The following MACROD2 variants were observed in gnomAD, a reference collection of about 807,000 sequenced individuals.
The protein encoded by MACROD2 is mono-ADP ribosylhydrolase 2.
MACROD2 carries 36 observed loss-of-function variants against 70.4 expected under a neutral mutation model. The ratio of observed to expected loss-of-function variants is 0.51; its 90% CI spans 0.39 to 0.68. The LOEUF (loss-of-function observed/expected upper bound fraction) is 0.68, where lower values mean the gene tolerates loss of function less well. MACROD2 is among the 30% of genes least tolerant of loss of function. MACROD2 has a pLI of 0.00. For synonymous variants in MACROD2, 172 were observed against 178.8 expected, an observed-to-expected ratio of 0.96 and a Z score of 0.30; for missense variants, 496 against 538.4, an observed-to-expected ratio of 0.92 and a Z score of 0.78.
chr20:14,327,943 G>A (rs1400546614), intron 3 of MACROD2, among the ~76,000 whole-genome samples: 1 of 151,472 alleles, frequency 6.6e-6, no homozygotes, highest in Non-Finnish European at 1.5e-5. Context: ...GTAACACCTT[G>A]GAATATTATT....
chr20:15,728,869 G>A (rs532797599), intron 8 of MACROD2, among the ~76,000 whole-genome samples: 3 of 151,638 alleles, frequency 2.0e-5, no homozygotes, highest in Non-Finnish European at 4.4e-5. Flanking sequence ...ATGTTTTTTT[G>A]TATCTTGGTT....
chr20:15,987,039 A>G lies in MACROD2; in HGVS notation c.1061-27A>G, dbSNP rs750875581. ...AATGATTCCAACTAAAACAACCCTG[A>G]GTGTCCATCTGTCTCATTCTATTTA... On this transcript the variant is annotated intron_variant, in intron 14 of 17. Coordinates refer to ENST00000684519, the MANE Select transcript of MACROD2 (RefSeq NM_001351661.2). The G allele has an allele frequency of 3.8e-6, 6 of 1,562,634 alleles. No homozygotes were observed. The Admixed American group carries it at 9.4e-5, about 25-fold the overall frequency.
chr20:14,813,115 G>C (rs180836011), intron 5 of MACROD2, among the ~76,000 whole-genome samples: 1 of 151,334 alleles, frequency 6.6e-6, no homozygotes, highest in African/African-American at 2.4e-5. Context: ...ATTAATTGTC[G>C]ATCTTGAGAC....
intron 5 of MACROD2, among the ~76,000 whole-genome samples, chr20:15,209,112 GTGGTATTTATT>G (rs947761425): frequency 1.2e-4 from 14 of 115,550 alleles, no homozygotes; most frequent in South Asian, 2.9e-4. Context: ...GGTGGTGGTG[GTGGTATTTATT>G]TATTTATTTA....
intron 5 of MACROD2, among the ~76,000 whole-genome samples, chr20:14,685,352 G>A (rs1280181259): frequency 6.6e-6 from 1 of 152,136 alleles, no homozygotes. Flanking sequence ...TTGTGGATGT[G>A]TTTAGAGCAA....
chr20:15,412,634 T>C (rs532553608), intron 6 of MACROD2, among the ~76,000 whole-genome samples: 4 of 152,310 alleles, frequency 2.6e-5, no homozygotes, highest in African/African-American at 9.6e-5. Context: ...GCAGAGAATA[T>C]GGTACCATTT....
At chr20:15,345,515 T>G (rs574612301) in intron 6 of MACROD2, among the ~76,000 whole-genome samples, 2 of 152,328 alleles carry the variant, frequency 1.3e-5, no homozygotes, top group African/African-American at 4.8e-5. Flanking sequence ...GCCAAATCTG[T>G]GCCCTTTGAC....
At chr20:14,135,269 A>G (rs538040684) in intron 3 of MACROD2, among the ~76,000 whole-genome samples, 2 of 152,222 alleles carry the variant, frequency 1.3e-5, no homozygotes, top group Non-Finnish European at 1.5e-5. Context: ...AAATTTTAGT[A>G]TATGAAATAC....
chr20:15,169,142 G>T (rs1385678423), intron 5 of MACROD2, among the ~76,000 whole-genome samples: 3 of 152,080 alleles, frequency 2.0e-5, no homozygotes, highest in Admixed American at 6.6e-5. Flanking sequence ...CCTAAAATTG[G>T]TTAAAAGGGT....
At chr20:14,849,182 GATGTTAGGATATGAAAAC>G (rs1438232001) in intron 5 of MACROD2, among the ~76,000 whole-genome samples, 1 of 152,136 alleles carries the variant, frequency 6.6e-6, no homozygotes, top group Non-Finnish European at 1.5e-5. Flanking sequence ...CTTTCAATTA[GATGTTAGGATATGAAAAC>G]ATGGGCATCT....
intron 5 of MACROD2, among the ~76,000 whole-genome samples, chr20:15,029,233 A>G (rs2075256286): frequency 6.6e-6 from 1 of 152,192 alleles, no homozygotes. Context: ...CATCCTTCAG[A>G]ACTTAGATGA....
Position 15,169,264 on chromosome 20 carries a change from C to A in MACROD2, c.419-60676C>A, listed in dbSNP as rs188800155. ...AAGAATGCATTCTATTTCTCTTTTC[C>A]CAACTTTTTTAAGAATAAAGTTCTT... On this transcript the variant is annotated intron_variant, in intron 5 of 17. Coordinates refer to ENST00000684519, the MANE Select transcript of MACROD2 (RefSeq NM_001351661.2). Among the ~76,000 whole-genome samples the A allele has an allele frequency of 1.5e-3, 230 of 152,162 alleles. 2 individuals are homozygous for A. Among genetic ancestry groups the A allele is most frequent in the Admixed American group, 4.1e-3 (62 of 15,270 alleles).
chr20:14,384,599 C>T (rs1821638949), intron 3 of MACROD2, among the ~76,000 whole-genome samples: 1 of 152,100 alleles, frequency 6.6e-6, no homozygotes, highest in Non-Finnish European at 1.5e-5. Flanking sequence ...ATGTGACCAT[C>T]TGCCAAGTGT....
chr20:15,243,171 T>C (rs1414207638), intron 6 of MACROD2, among the ~76,000 whole-genome samples: 2 of 152,156 alleles, frequency 1.3e-5, no homozygotes, highest in Non-Finnish European at 2.9e-5. Flanking sequence ...AGCTGAGGGC[T>C]GTCTTCTGGC....
intron 3 of MACROD2, among the ~76,000 whole-genome samples, chr20:14,189,617 G>A (rs1048250339): frequency 3.3e-5 from 5 of 152,140 alleles, no homozygotes; most frequent in African/African-American, 9.7e-5. Context: ...AAGGGATAGC[G>A]TGAGGCTGGC....
chr20:15,811,165 A>G (rs921991484), intron 8 of MACROD2, among the ~76,000 whole-genome samples: 9 of 152,182 alleles, frequency 5.9e-5, no homozygotes, highest in African/African-American at 2.2e-4. Context: ...ACAAAATGGG[A>G]GAAAATTTTC....
chr20:15,138,451 T>C (rs6110528), intron 5 of MACROD2, among the ~76,000 whole-genome samples: 57,604 of 152,006 alleles, frequency 0.38, 12,195 homozygotes, highest in East Asian at 0.61. Flanking sequence ...AGGTCTCCAG[T>C]GTAAAATTCA....
At chr20:15,440,387 G>A (rs1322551276) in intron 7 of MACROD2, among the ~76,000 whole-genome samples, 2 of 152,132 alleles carry the variant, frequency 1.3e-5, no homozygotes, top group African/African-American at 4.8e-5. Context: ...TGGAGTGCCT[G>A]TTTCTATCAG....
chr20:15,198,580 A>G (rs1221206577), intron 5 of MACROD2, among the ~76,000 whole-genome samples: 1 of 152,128 alleles, frequency 6.6e-6, no homozygotes, highest in African/African-American at 2.4e-5. Context: ...ATACTATATC[A>G]TTAGTATTAT....
Sources: allele counts gnomAD v4.1 joint callset (sites outside exome capture counted in the v4.1 genomes callset), GRCh38; gene constraint gnomAD v4.1.1; transcripts MANE v1.5; gene names NCBI Gene and HGNC (gene_info 2026-07-23, HGNC 2026-07-21).